Variants in TBC1D30 observed in about 807,000 individuals in gnomAD.
TBC1D30 encodes the protein TBC1 domain family member 30, also known as TBC1 domain family, member 30.
In TBC1D30, 31 loss-of-function variants were observed where a neutral mutation model predicts 63.2. That is an observed-to-expected ratio of 0.49 (90% CI 0.37 to 0.66). The LOEUF (loss-of-function observed/expected upper bound fraction) is 0.66, where lower values mean the gene tolerates loss of function less well. TBC1D30 is among the 30% of genes least tolerant of loss of function. The pLI is 0.00. For missense variants in TBC1D30, 810 were observed against 953.6 expected (o/e 0.85, Z 1.98); for synonymous variants, 307 against 361.5 (o/e 0.85, Z 1.71).
intron 1 of TBC1D30, among the ~76,000 whole-genome samples, chr12:64,827,112 G>A (rs929847459): frequency 6.6e-6 from 1 of 152,078 alleles, no homozygotes; most frequent in Non-Finnish European, 1.5e-5. Context: ...GTTATTGATA[G>A]TATTTGGCAT....
intron 8 of TBC1D30, among the ~76,000 whole-genome samples, chr12:64,845,226 A>C (rs1876256784): frequency 6.6e-6 from 1 of 152,160 alleles, no homozygotes; most frequent in African/African-American, 2.4e-5. Context: ...ACTAATTTAC[A>C]TTCCCACCAA....
At chr12:64,786,971 A>G (rs919798405) in intron 2 of TBC1D30, among the ~76,000 whole-genome samples, 1 of 152,020 alleles carries the variant, frequency 6.6e-6, no homozygotes, top group South Asian at 2.1e-4. Context: ...ATAAAAATAA[A>G]AATAAATAAA....
intron 2 of TBC1D30, chr12:64,818,486 C>T: frequency 2.5e-6 from 2 of 815,688 alleles, no homozygotes; most frequent in Non-Finnish European, 3.0e-6. Context: ...GGCTGGAATG[C>T]TGGAATGCAG....
intron 11 of TBC1D30, among the ~76,000 whole-genome samples, chr12:64,871,710 A>G (rs1361529059): frequency 6.6e-6 from 1 of 152,246 alleles, no homozygotes; most frequent in Non-Finnish European, 1.5e-5. Context: ...TTTGTCCTTA[A>G]AACAAATCTA....
At chr12:64,836,385 T>G in intron 5 of TBC1D30, 105 bp from the exon 6 acceptor site, 1 of 885,498 alleles carries the variant, frequency 1.1e-6, no homozygotes, top group East Asian at 2.7e-5. Context: ...ATAGCGTGCT[T>G]TGGCTAACAG....
At chr12:64,823,230 A>G (rs1401628911), upstream of TBC1D30, among the ~76,000 whole-genome samples, 1 of 152,208 alleles carries the variant, frequency 6.6e-6, no homozygotes. Flanking sequence ...TTTAAGAAAT[A>G]TGAATATTAT....
intron 8 of TBC1D30, among the ~76,000 whole-genome samples, chr12:64,845,606 G>A (rs1319606603): frequency 6.6e-6 from 1 of 151,772 alleles, no homozygotes; most frequent in African/African-American, 2.4e-5. Context: ...GGTGCCTGTA[G>A]TCCCAGCTAC....
intron 1 of TBC1D30, among the ~76,000 whole-genome samples, chr12:64,762,607 A>C (rs939657612): frequency 2.6e-5 from 4 of 152,198 alleles, no homozygotes; most frequent in African/African-American, 9.6e-5. Flanking sequence ...TAACGTTATA[A>C]ATTTTTAAAA....
chr12:64,791,330 ATTAG>A (rs1219295098), intron 2 of TBC1D30, among the ~76,000 whole-genome samples: 60 of 152,322 alleles, frequency 3.9e-4, no homozygotes, highest in African/African-American at 3.8e-4. Flanking sequence ...ATGTTCTGGA[ATTAG>A]TTAGTGGTGA....
intron 2 of TBC1D30, among the ~76,000 whole-genome samples, chr12:64,798,938 G>A (rs185130290): frequency 2.0e-5 from 3 of 150,694 alleles, no homozygotes; most frequent in Non-Finnish European, 2.9e-5. Context: ...TCAGCCTCCC[G>A]AGTAGCTGGG....
At chr12:64,842,152 G>A (rs1252075153) in intron 7 of TBC1D30, among the ~76,000 whole-genome samples, 1 of 152,176 alleles carries the variant, frequency 6.6e-6, no homozygotes, top group East Asian at 1.9e-4. Context: ...GAAGCCAGGA[G>A]TTTGAGACCA....
chr12:64,875,722 C>G lies in TBC1D30; in HGVS notation c.2220C>G (p.His740Gln). 1 of 1,536,476 alleles carries G rather than the reference C, an allele frequency of 6.5e-7. No individual in the cohort carries two copies. Among genetic ancestry groups the G allele is most frequent in the Non-Finnish European group, 8.7e-7 (1 of 1,146,986 alleles). Reference sequence around the variant, plus strand: ...CTACAGAAAGAACCCCAACTGTGCACTTTCCTCAAATGAGTAGGAGCTTCA... The same window carrying G: ...CTACAGAAAGAACCCCAACTGTGCAGTTTCCTCAAATGAGTAGGAGCTTCA... ...YGPTERTPTV[H>Q]FPQMSRSFSK... The change falls in exon 12 of 12, where the codon CAC becomes CAG. Residue 740 changes from histidine to glutamine, a missense_variant. This residue lies in a region of TBC1D30 where 450 missense variants were observed against 473.0 expected (regional missense o/e 0.95). Coordinates refer to ENST00000539867, the MANE Select transcript of TBC1D30 (RefSeq NM_015279.2).
Position 64,867,424 on chromosome 12 carries a change from C to T in TBC1D30, c.1291+521C>T, listed in dbSNP as rs182134113. On this transcript the variant is annotated intron_variant, in intron 10 of 11. Coordinates refer to ENST00000539867, the MANE Select transcript of TBC1D30 (RefSeq NM_015279.2). ...GCAGTGAGCCGAGATCATGCCACTGCGCTCCAGTCTGGGCAACAGAACAAG... is the reference window on the plus strand; with the variant it reads ...GCAGTGAGCCGAGATCATGCCACTGTGCTCCAGTCTGGGCAACAGAACAAG... 9.6e-4 allele frequency among the ~76,000 whole-genome samples: 145 copies of T among 151,082 alleles called. 1 individual carries two copies. In the East Asian group the frequency reaches 0.015, roughly 15 times the overall value.
At chr12:64,800,181 C>T (rs1872523846) in intron 2 of TBC1D30, among the ~76,000 whole-genome samples, 1 of 152,092 alleles carries the variant, frequency 6.6e-6, no homozygotes, top group African/African-American at 2.4e-5. Context: ...GCAGACATTC[C>T]ATGCAGAGAT....
chr12:64,792,433 G>A (rs939144684), intron 2 of TBC1D30, among the ~76,000 whole-genome samples: 3 of 152,172 alleles, frequency 2.0e-5, no homozygotes, highest in African/African-American at 7.2e-5. Context: ...TGCTATCTTA[G>A]ATAAAACCTT....
chr12:64,872,038 T>C (rs1047733079), intron 11 of TBC1D30, among the ~76,000 whole-genome samples: 6 of 152,192 alleles, frequency 3.9e-5, no homozygotes, highest in Non-Finnish European at 7.4e-5. Flanking sequence ...TGTTTGTTTG[T>C]TTGTTTTGAG....
intron 1 of TBC1D30, chr12:64,781,423 A>C (rs1042727947): frequency 3.0e-5 from 27 of 886,742 alleles, no homozygotes; most frequent in Admixed American, 1.2e-4. Flanking sequence ...TGACGGTGGT[A>C]CCCACCGTGG....
chr12:64,763,448 C>T (rs998327552), intron 1 of TBC1D30, among the ~76,000 whole-genome samples: 9 of 152,130 alleles, frequency 5.9e-5, no homozygotes, highest in South Asian at 2.1e-4. Flanking sequence ...ATGATGTTTT[C>T]ATATACGTAT....
chr12:64,873,104 G>A (rs1039731496), intron 11 of TBC1D30, among the ~76,000 whole-genome samples: 1 of 152,158 alleles, frequency 6.6e-6, no homozygotes, highest in African/African-American at 2.4e-5. Context: ...GATTGAACTT[G>A]AACTAGAGGC....
Sources: allele counts gnomAD v4.1 joint callset (sites outside exome capture counted in the v4.1 genomes callset), GRCh38; gene constraint gnomAD v4.1.1; regional missense constraint gnomAD v4.1.1; transcripts MANE v1.5; gene names NCBI Gene and HGNC (gene_info 2026-07-23, HGNC 2026-07-21).